Variants in VWA8 observed in about 807,000 individuals in gnomAD.
VWA8 encodes von Willebrand factor A domain containing 8.
In VWA8, 221 loss-of-function variants were observed where a neutral mutation model predicts 241.5. The ratio of observed to expected loss-of-function variants is 0.91; its 90% CI spans 0.82 to 1.02. The LOEUF is 1.02. Ranked by LOEUF, VWA8 falls within the 50% of genes least tolerant of loss-of-function variation. The pLI is 0.00. For missense variants in VWA8, 2,322 were observed against 2,328.7 expected, an observed-to-expected ratio of 1.00 and a Z score of 0.06; for synonymous variants, 852 against 827.1, an observed-to-expected ratio of 1.03 and a Z score of -0.52.
chr13:41,751,091 G>GC (rs1326773686), intron 21 of VWA8, among the ~76,000 whole-genome samples: 3 of 151,888 alleles, frequency 2.0e-5, no homozygotes, highest in Admixed American at 1.3e-4. Context: ...TTTGAAAACA[G>GC]CTTAGAACAG....
chr13:41,880,485 C>G (rs1267389348), intron 9 of VWA8, among the ~76,000 whole-genome samples: 1 of 152,138 alleles, frequency 6.6e-6, no homozygotes, highest in Non-Finnish European at 1.5e-5. Flanking sequence ...ATCCACAGAC[C>G]CTACTCAAGT....
At chr13:41,687,617 GTCTGTT>G (rs1362496637) in intron 34 of VWA8, among the ~76,000 whole-genome samples, 2 of 152,054 alleles carry the variant, frequency 1.3e-5, no homozygotes, top group African/African-American at 2.4e-5. Flanking sequence ...TATAAGCTCT[GTCTGTT>G]TCTATTTTTT....
At chr13:41,920,932 T>A (rs1235525731) in intron 2 of VWA8, among the ~76,000 whole-genome samples, 2 of 152,246 alleles carry the variant, frequency 1.3e-5, no homozygotes, top group African/African-American at 2.4e-5. Context: ...ATAACTCATT[T>A]TTTGAGGCCA....
chr13:41,836,505 C>T (rs915430960), intron 12 of VWA8, among the ~76,000 whole-genome samples: 1 of 152,102 alleles, frequency 6.6e-6, no homozygotes, highest in African/African-American at 2.4e-5. Context: ...AAGCTAAAAA[C>T]TGGTAACATT....
intron 20 of VWA8, among the ~76,000 whole-genome samples, chr13:41,774,045 T>C (rs746964477): frequency 4.6e-5 from 7 of 152,228 alleles, no homozygotes; most frequent in Non-Finnish European, 1.0e-4. Context: ...ATTTGTCTTA[T>C]AGCCCCCTGA....
chr13:41,689,425 C>T lies in VWA8; in HGVS notation c.4060G>A (p.Ala1354Thr). Residue 1354 changes from alanine (A) to threonine (T), a missense_variant, in exon 34 of 45, where the codon GCC (alanine) becomes ACC (threonine). Physicochemically the swap from Ala to Thr is moderately conservative, Grantham distance 58. Coordinates refer to ENST00000379310, the MANE Select transcript of VWA8 (RefSeq NM_015058.2). ...HLSSAVEQKIASPNRILSDEK... is the reference protein window; with the variant it reads ...HLSSAVEQKITSPNRILSDEK... Reference sequence around the variant, plus strand: ...TCTGAGAGAATTCTGTTGGGAGAGGCAATCTTTTGTTCCACAGCTGAACTT... The same window carrying T: ...TCTGAGAGAATTCTGTTGGGAGAGGTAATCTTTTGTTCCACAGCTGAACTT... 6.2e-7 allele frequency: 1 copy of T among 1,612,046 alleles called. No individual in the cohort carries two copies. Among genetic ancestry groups the T allele is most frequent in the South Asian group, 1.1e-5 (1 of 90,978 alleles).
chr13:41,678,820 A>G (rs917091298), intron 35 of VWA8, among the ~76,000 whole-genome samples: 8 of 152,220 alleles, frequency 5.3e-5, no homozygotes, highest in African/African-American at 1.2e-4. Flanking sequence ...AACTATTTTC[A>G]TATATCAGAG....
chr13:41,715,007 AT>A (rs2137841517), intron 26 of VWA8, among the ~76,000 whole-genome samples: 1 of 152,000 alleles, frequency 6.6e-6, no homozygotes, highest in Admixed American at 6.6e-5. Context: ...CATCCTTAGA[AT>A]TGGAATTAAT....
At chr13:41,697,386 T>G (rs1028222199) in intron 29 of VWA8, among the ~76,000 whole-genome samples, 6 of 152,176 alleles carry the variant, frequency 3.9e-5, no homozygotes, top group Admixed American at 2.0e-4. Context: ...TCCTAATGTC[T>G]TCCCCTTTTA....
chr13:41,735,155 G>A (rs2045515346), intron 21 of VWA8, among the ~76,000 whole-genome samples: 1 of 152,088 alleles, frequency 6.6e-6, no homozygotes, highest in Non-Finnish European at 1.5e-5. Context: ...GATTGTTATA[G>A]TAATATAATG....
At chr13:41,642,562 CAA>C (rs1156882566) in intron 37 of VWA8, among the ~76,000 whole-genome samples, 26 of 61,548 alleles carry the variant, frequency 4.2e-4, no homozygotes, top group Non-Finnish European at 5.0e-4. Flanking sequence ...CCGTCTCAAA[CAA>C]AAAAAAAAAA....
intron 21 of VWA8, among the ~76,000 whole-genome samples, chr13:41,750,522 A>C (rs1205313391): frequency 6.6e-6 from 1 of 151,908 alleles, no homozygotes; most frequent in Non-Finnish European, 1.5e-5. Flanking sequence ...AAAACATTTG[A>C]TTCACAGGAG....
intron 15 of VWA8, among the ~76,000 whole-genome samples, chr13:41,818,899 A>T (rs1343855343): frequency 6.6e-6 from 1 of 152,220 alleles, no homozygotes; most frequent in African/African-American, 2.4e-5. Context: ...CATGGTTCTT[A>T]GAGTGTGGTT....
intron 4 of VWA8, among the ~76,000 whole-genome samples, chr13:41,895,742 A>C (rs979594888): frequency 6.6e-6 from 1 of 152,028 alleles, no homozygotes; most frequent in African/African-American, 2.4e-5. Flanking sequence ...TTAATTAAGA[A>C]CTGTGATACG....
At chr13:41,732,036 T>C (rs2137865172) in intron 22 of VWA8, 44 bp downstream of exon 22, 1 of 1,555,404 alleles carries the variant, frequency 6.4e-7, no homozygotes, top group East Asian at 2.3e-5. Context: ...ACAACTATGA[T>C]ACAAAAATAC....
chr13:41,570,643 C>A lies in VWA8; in HGVS notation c.5434G>T (p.Ala1812Ser). 6.2e-7 allele frequency: 1 copy of A among 1,614,248 alleles called. No individual in the cohort carries two copies. Residue 1812 changes from alanine to serine, a missense_variant, in exon 44 of 45, where the codon GCC becomes TCC. Transcript: ENST00000379310. ...GDHTLEGTEH[A>S]IKEIVKEEAD... Reference sequence around the variant, plus strand: ...TCTTCTTTGACAATTTCCTTGATGGCATGTTCTGTCCCTTCTAACGTGTGG... The same window carrying A: ...TCTTCTTTGACAATTTCCTTGATGGAATGTTCTGTCCCTTCTAACGTGTGG...
intron 9 of VWA8, among the ~76,000 whole-genome samples, chr13:41,869,283 A>G (rs1873469199): frequency 6.6e-6 from 1 of 152,142 alleles, no homozygotes; most frequent in Admixed American, 6.6e-5. Context: ...TTTCCACAGC[A>G]TATGGTACAG....
At chr13:41,869,782 A>G (rs1378706663) in intron 9 of VWA8, among the ~76,000 whole-genome samples, 1 of 152,158 alleles carries the variant, frequency 6.6e-6, no homozygotes, top group African/African-American at 2.4e-5. Context: ...TATGTGAAAG[A>G]TGAAAATAAA....
At chr13:41,570,342 C>G in intron 44 of VWA8, 126 bp downstream of exon 44, 1 of 797,324 alleles carries the variant, frequency 1.3e-6, no homozygotes, top group Non-Finnish European at 2.0e-6. Context: ...AGGCTAGTAA[C>G]TTTAGTTTCT....
Sources: gnomAD v4.1 joint callset for allele counts (sites outside exome capture counted in the v4.1 genomes callset) on GRCh38, gnomAD v4.1.1 for gene constraint, MANE v1.5 for transcripts, NCBI Gene and HGNC (gene_info 2026-07-23, HGNC 2026-07-21) for gene names.